Variants in SOX6 observed in about 807,000 individuals in gnomAD.
SOX6 encodes transcription factor SOX-6.
Under a neutral mutation model 97.8 loss-of-function variants are expected in SOX6, and 11 were observed. That is an observed-to-expected ratio of 0.11 (90% confidence interval 0.07 to 0.19). The LOEUF is 0.19. Among genes scored for constraint, SOX6 ranks in the 10% least tolerant of loss-of-function variants. The pLI is 1.00. For missense variants in SOX6, 810 were observed against 1,039.5 expected (o/e 0.78, Z 3.04); for synonymous variants, 360 against 371.4 (o/e 0.97, Z 0.35).
chr11:16,331,932 T>C lies in SOX6; in HGVS notation c.237+9080A>G, dbSNP rs115326030. 4.8e-3 allele frequency among the ~76,000 whole-genome samples: 732 copies of C among 152,256 alleles called. 8 individuals are homozygous for C. Among genetic ancestry groups the C allele is most frequent in the African/African-American group, 0.017 (704 of 41,544 alleles). On this transcript the variant is annotated intron_variant, in intron 2 of 15. Coordinates refer to ENST00000683767, the MANE Select transcript of SOX6 (RefSeq NM_001367873.1). ...TTTTCTCTCTGGAAAGAAAAACTTTTCTCTGAATTTTTATTTTCCCCTCTT... is the reference window on the plus strand; with the variant it reads ...TTTTCTCTCTGGAAAGAAAAACTTTCCTCTGAATTTTTATTTTCCCCTCTT...
rs749114888 is a variant in SOX6 at position 15,972,950 on chromosome 11, C to T, written c.2346G>A (p.Met782Ile). Residue 782 changes from methionine to isoleucine, a missense_variant, in exon 16 of 16, where the codon ATG becomes ATA. By Grantham distance (10) the Met-to-Ile change is conservative (BLOSUM62 1). Coordinates refer to ENST00000683767, the MANE Select transcript of SOX6 (RefSeq NM_001367873.1). ...SLPVIQSTYG[M>I]KTDGGSLAGN... Reference sequence around the variant, plus strand: ...CAGCTAGGCTTCCGCCATCTGTCTTCATACCATAAGTGCTCTGGATGACCG... The same window carrying T: ...CAGCTAGGCTTCCGCCATCTGTCTTTATACCATAAGTGCTCTGGATGACCG... 8.1e-6 allele frequency: 13 copies of T among 1,614,126 alleles called. No individual in the cohort carries two copies. Among genetic ancestry groups the T allele is most frequent in the East Asian group, 2.2e-5 (1 of 44,900 alleles).
rs1380412790 is a variant in SOX6 at position 16,706,387 on chromosome 11, G to A, written n.429+8443C>T. On this transcript the variant is annotated intron_variant and non_coding_transcript_variant, in intron 3 of 5. Coordinates refer to the SOX6 transcript ENST00000524520. Reference sequence around the variant, plus strand: ...CACTTAAGCCTGGGAGGTCAAGGCTGTAGTGAGCTATGATTGAATCACTGC... The same window carrying A: ...CACTTAAGCCTGGGAGGTCAAGGCTATAGTGAGCTATGATTGAATCACTGC... 1.8e-4 allele frequency among the ~76,000 whole-genome samples: 26 copies of A among 142,026 alleles called. No homozygotes were observed. In the Admixed American group the frequency reaches 1.9e-3, roughly 10 times the overall value. 93.2% of individuals were successfully genotyped at this position (142,026 alleles called of 152,430 possible). A position where few individuals can be genotyped will look rare whatever the true frequency, so the allele number is the denominator to read the frequency against.
chr11:16,535,425 C>T (rs538805632), intron 4 of SOX6, among the ~76,000 whole-genome samples: 19 of 152,262 alleles, frequency 1.2e-4, no homozygotes, highest in Middle Eastern at 3.4e-3. Context: ...GTAGTCCCAG[C>T]ACTTTGGGAG....
At chr11:16,482,292 G>T (rs1025924341) in intron 4 of SOX6, among the ~76,000 whole-genome samples, 3 of 151,960 alleles carry the variant, frequency 2.0e-5, no homozygotes, top group African/African-American at 7.3e-5. Context: ...AAATCAAATC[G>T]CCTTTAAATG....
intron 1 of SOX6, among the ~76,000 whole-genome samples, chr11:16,401,542 T>C (rs571191836): frequency 5.3e-5 from 8 of 151,694 alleles, no homozygotes; most frequent in Admixed American, 6.6e-5. Context: ...TTAAACCATG[T>C]AGCAAATGGC....
At chr11:16,541,070 T>C (rs572204295) in intron 4 of SOX6, among the ~76,000 whole-genome samples, 59 of 152,130 alleles carry the variant, frequency 3.9e-4, no homozygotes, top group Non-Finnish European at 6.2e-4. Flanking sequence ...GACTTCAAAC[T>C]ATACTACAAG....
intron 9 of SOX6, among the ~76,000 whole-genome samples, chr11:16,071,468 CAT>C (rs1848223531): frequency 6.6e-6 from 1 of 152,156 alleles, no homozygotes; most frequent in Middle Eastern, 3.4e-3. Flanking sequence ...GTGAGCAACA[CAT>C]GTTATAACTT....
intron 7 of SOX6, among the ~76,000 whole-genome samples, chr11:16,106,657 G>A (rs980989630): frequency 2.6e-5 from 4 of 151,766 alleles, no homozygotes; most frequent in Non-Finnish European, 5.9e-5. Flanking sequence ...AAAACATAGT[G>A]GTAAATCTTT....
rs748905155 is a variant in SOX6, at chr11:16,205,882, G to T, written c.536-18927C>A. Among the ~76,000 whole-genome samples the T allele has an allele frequency of 2.6e-5, 4 of 152,044 alleles. No homozygotes were observed. In the South Asian group the frequency reaches 8.3e-4, roughly 31 times the overall value. Reference sequence around the variant, plus strand: ...TCTCTGGGCTTCCATTTACCTGCCTGTAATATGAGAGGTTGAACTAGGTAA... The same window carrying T: ...TCTCTGGGCTTCCATTTACCTGCCTTTAATATGAGAGGTTGAACTAGGTAA... On this transcript the variant is annotated intron_variant, in intron 4 of 15. Coordinates refer to ENST00000683767, the MANE Select transcript of SOX6 (RefSeq NM_001367873.1).
intron 4 of SOX6, among the ~76,000 whole-genome samples, chr11:16,495,525 C>T (rs940359831): frequency 6.6e-6 from 1 of 152,182 alleles, no homozygotes; most frequent in Admixed American, 6.5e-5. Flanking sequence ...CAAGCTTACC[C>T]AATCTACCAC....
chr11:16,465,737 A>C (rs2133110637), intron 1 of SOX6: 1 of 152,356 alleles, frequency 6.6e-6, no homozygotes, highest in East Asian at 1.9e-4. Context: ...GGTATAAAAT[A>C]GCCCAGAGGT....
rs1853342143 is a variant in SOX6, at chr11:15,972,347, T to G, written c.*462A>C. The G allele has an allele frequency of 6.0e-6, 1 of 166,652 alleles. No homozygotes were observed. Among genetic ancestry groups the G allele is most frequent in the Non-Finnish European group, 1.3e-5 (1 of 76,258 alleles). 10.3% of individuals were successfully genotyped at this position (166,652 alleles called of 1,614,324 possible). A position where few individuals can be genotyped will look rare whatever the true frequency, so the allele number is the denominator to read the frequency against. On this transcript the variant is annotated 3_prime_UTR_variant, in exon 16 of 16. Transcript: ENST00000683767. ...GCACACGCCGTGGACTTGTTCTGTT[T>G]CACAATATGAAATCCTCAGTTGTTT...
Position 15,971,817 on chromosome 11 carries a change from T to C in SOX6, c.*992A>G, listed in dbSNP as rs1324195126. ...ATTATTAAATTAATGCCACCAACAATTGAAAAAAAATAAATAGCAAGTGGA... is the reference window on the plus strand; with the variant it reads ...ATTATTAAATTAATGCCACCAACAACTGAAAAAAAATAAATAGCAAGTGGA... On this transcript the variant is annotated 3_prime_UTR_variant, in exon 16 of 16. Transcript: ENST00000683767. The C allele has an allele frequency of 1.3e-5, 2 of 152,250 alleles. No individual in the cohort carries two copies. The highest frequency in any genetic ancestry group is 4.8e-5 in the African/African-American group (2 of 41,336). 9.4% of individuals were successfully genotyped at this position (152,250 alleles called of 1,614,324 possible).
At chr11:16,167,889 T>C (rs1341584176) in intron 6 of SOX6, among the ~76,000 whole-genome samples, 1 of 152,224 alleles carries the variant, frequency 6.6e-6, no homozygotes, top group Non-Finnish European at 1.5e-5. Flanking sequence ...ATCTATTTAA[T>C]GCCTGCCTCC....
intron 3 of SOX6, among the ~76,000 whole-genome samples, chr11:16,271,688 T>A (rs958134437): frequency 9.9e-5 from 15 of 151,542 alleles, no homozygotes; most frequent in African/African-American, 2.9e-4. Context: ...TATATTTTTC[T>A]GTAATTTAAT....
At chr11:16,620,318 A>G (rs1230016464) in intron 3 of SOX6, among the ~76,000 whole-genome samples, 1 of 152,230 alleles carries the variant, frequency 6.6e-6, no homozygotes. Context: ...CGTTTAAGAA[A>G]TGATTTTGCA....
intron 7 of SOX6, among the ~76,000 whole-genome samples, chr11:16,103,171 G>A (rs895826315): frequency 4.6e-4 from 69 of 150,496 alleles, no homozygotes; most frequent in African/African-American, 1.6e-3. Context: ...AACTCAAATC[G>A]CAAGAAAAAA....
At chr11:16,496,307 G>C (rs1860594216) in intron 4 of SOX6, among the ~76,000 whole-genome samples, 1 of 81,888 alleles carries the variant, frequency 1.2e-5, no homozygotes, top group Admixed American at 1.7e-4. Flanking sequence ...AGACACAAGA[G>C]AACATGGATT....
At chr11:16,405,075 A>G (rs562961968) in intron 1 of SOX6, among the ~76,000 whole-genome samples, 1 of 152,108 alleles carries the variant, frequency 6.6e-6, no homozygotes, top group African/African-American at 2.4e-5. Context: ...TGGCTTAAAC[A>G]AAGAACAAAA....
Sources: allele counts gnomAD v4.1 joint callset (sites outside exome capture counted in the v4.1 genomes callset), GRCh38; gene constraint gnomAD v4.1.1; transcripts MANE v1.5; gene names NCBI Gene and HGNC (gene_info 2026-07-23, HGNC 2026-07-21).